The following TPST2 variants were observed in gnomAD, a reference collection of about 807,000 sequenced individuals.
TPST2 encodes tyrosylprotein sulfotransferase 2, also known as protein-tyrosine sulfotransferase 2.
TPST2 carries 16 observed loss-of-function variants against 27.8 expected under a neutral mutation model. The observed-to-expected ratio is 0.58, with a 90% CI of 0.39 to 0.88. The LOEUF (loss-of-function observed/expected upper bound fraction) is 0.88, where lower values mean the gene tolerates loss of function less well. Ranked by LOEUF, TPST2 falls within the 40% of genes least tolerant of loss-of-function variation. The probability of loss-of-function intolerance (pLI) is 0.00; values close to 1 mark genes in which losing one functional copy is unlikely to be tolerated. For missense variants in TPST2, 464 were observed against 543.1 expected (o/e 0.85, Z 1.45); for synonymous variants, 229 against 231.7 (o/e 0.99, Z 0.10).
intron 1 of TPST2, among the ~76,000 whole-genome samples, chr22:26,570,484 T>C (rs1474147183): frequency 2.6e-5 from 4 of 152,114 alleles, no homozygotes; most frequent in African/African-American, 9.7e-5. Flanking sequence ...TTACAGGGTT[T>C]TTCCTTATGC....
At chr22:26,576,293 T>C (rs1927831332) in intron 1 of TPST2, among the ~76,000 whole-genome samples, 1 of 143,196 alleles carries the variant, frequency 7.0e-6, no homozygotes, top group Admixed American at 6.8e-5. Flanking sequence ...AGCTGGACTT[T>C]GAAAGTAACA....
chr22:26,570,179 C>A (rs1393306544), intron 1 of TPST2, among the ~76,000 whole-genome samples: 1 of 152,092 alleles, frequency 6.6e-6, no homozygotes, highest in African/African-American at 2.4e-5. Flanking sequence ...CACTCCACCC[C>A]ACACACTTTT....
intron 1 of TPST2, among the ~76,000 whole-genome samples, chr22:26,545,191 A>G (rs1448125569): frequency 6.6e-6 from 1 of 152,154 alleles, no homozygotes; most frequent in Admixed American, 6.5e-5. Context: ...ACCACCTAAC[A>G]CTGACCAAAT....
In TPST2 at chr22:26,590,076, C is replaced by A. The variant is rs1422287783; in HGVS notation, c.-184G>T. The A allele has an allele frequency of 2.6e-5, 4 of 151,886 alleles. No homozygotes were observed. The highest frequency in any genetic ancestry group is 2.6e-4 in the Admixed American group (4 of 15,236). The allele number at this position is 151,886 out of a possible 1,614,324, so 9.4% of individuals were successfully genotyped here. ...ACCGTGGCGAGACGCGGCGAGGCAG[C>A]CCCACGCACCCAGCGACTCCCGGCT... On this transcript the variant is annotated 5_prime_UTR_variant, in exon 1 of 7. Transcript: ENST00000338754.
At chr22:26,552,689 G>C (rs1033890590) in intron 1 of TPST2, among the ~76,000 whole-genome samples, 7 of 152,138 alleles carry the variant, frequency 4.6e-5, no homozygotes, top group African/African-American at 1.4e-4. Context: ...GTTTCCATAA[G>C]ACTAGTTACG....
intron 1 of TPST2, among the ~76,000 whole-genome samples, chr22:26,580,070 C>A (rs1205770155): frequency 6.6e-6 from 1 of 151,572 alleles, no homozygotes; most frequent in Non-Finnish European, 1.5e-5. Context: ...CATAGTGAGA[C>A]CCCATTTCTA....
chr22:26,570,050 AGAAAGAAAGAAAGAAG>A (rs1182992770), intron 1 of TPST2, among the ~76,000 whole-genome samples: 6 of 85,860 alleles, frequency 7.0e-5, no homozygotes, highest in African/African-American at 1.2e-4. Context: ...AAAGACAGAA[AGAAAGAAAGAAAGAAG>A]GAAAGAAAGA....
At position 26,539,841 on chromosome 22, in the gene TPST2, T is replaced by C. The variant is rs564060874; in HGVS notation, c.842+948A>G. Among the ~76,000 whole-genome samples, 35 of 152,322 alleles carry C rather than the reference T, an allele frequency of 2.3e-4. 1 individual carries two copies. In the South Asian group the frequency reaches 6.9e-3, roughly 30 times the overall value. ...GTTCCAATCCCAGCACCATGCTTTG[T>C]TAGCTGTGTAGCCTGAGGCCAGTAA... On this transcript the variant is annotated intron_variant, in intron 3 of 6. Coordinates refer to ENST00000338754, the MANE Select transcript of TPST2 (RefSeq NM_003595.5).
chr22:26,583,283 A>G (rs1569198619), intron 1 of TPST2, among the ~76,000 whole-genome samples: 1 of 151,382 alleles, frequency 6.6e-6, no homozygotes, highest in Admixed American at 6.6e-5. Context: ...AAAAAAATAC[A>G]AAAATTAGCT....
Position 26,561,819 on chromosome 22 carries a change from T to G in TPST2, c.-160-17144A>C, listed in dbSNP as rs529437483. Among the ~76,000 whole-genome samples, 4 of 152,254 alleles carry G rather than the reference T, an allele frequency of 2.6e-5. No individual in the cohort carries two copies. In the South Asian group the frequency reaches 8.3e-4, roughly 32 times the overall value. On this transcript the variant is annotated intron_variant, in intron 1 of 6. Transcript: ENST00000338754. ...GTACTAGGGAGCCATGGCAGATGTT[T>G]GAGCAGTGGGTGAGCAGCATGACTT... is the stretch of plus-strand genomic sequence containing the variant.
chr22:26,536,235 A>C (rs747484891), intron 4 of TPST2, 53 bp downstream of exon 4: 2 of 1,596,982 alleles, frequency 1.3e-6, no homozygotes, highest in East Asian at 4.5e-5. Context: ...CCACATCTGC[A>C]GAAGCCCCAT....
At chr22:26,584,995 G>A (rs1013808165) in intron 1 of TPST2, among the ~76,000 whole-genome samples, 2 of 152,172 alleles carry the variant, frequency 1.3e-5, no homozygotes, top group South Asian at 4.1e-4. Context: ...GCTTTTGCCT[G>A]GTACCAAGAT....
chr22:26,537,087 G>A (rs1387060717), intron 3 of TPST2, among the ~76,000 whole-genome samples: 2 of 152,088 alleles, frequency 1.3e-5, no homozygotes, highest in African/African-American at 4.8e-5. Context: ...TAATGTGTAT[G>A]ACTAACATGA....
intron 1 of TPST2, among the ~76,000 whole-genome samples, chr22:26,556,761 G>C (rs1486088661): frequency 6.6e-6 from 1 of 152,142 alleles, no homozygotes; most frequent in Non-Finnish European, 1.5e-5. Context: ...TGGCTGTTAG[G>C]GCCAGGGAGC....
At chr22:26,579,834 A>G (rs1928021802) in intron 1 of TPST2, among the ~76,000 whole-genome samples, 1 of 147,544 alleles carries the variant, frequency 6.8e-6, no homozygotes, top group Non-Finnish European at 1.5e-5. Context: ...GTAGATGGGG[A>G]GAGAGAGTCA....
chr22:26,563,806 G>A (rs1927243552), intron 1 of TPST2, among the ~76,000 whole-genome samples: 1 of 152,172 alleles, frequency 6.6e-6, no homozygotes, highest in East Asian at 1.9e-4. Flanking sequence ...GCCTCACTAG[G>A]GTCTTGCAAG....
At chr22:26,566,594 A>G (rs1179970622) in intron 1 of TPST2, among the ~76,000 whole-genome samples, 1 of 151,916 alleles carries the variant, frequency 6.6e-6, no homozygotes, top group Non-Finnish European at 1.5e-5. Flanking sequence ...AGAAAAAAAA[A>G]TACAAAAATC....
intron 1 of TPST2, among the ~76,000 whole-genome samples, chr22:26,569,497 C>T (rs986459657): frequency 1.3e-5 from 2 of 152,160 alleles, no homozygotes; most frequent in Admixed American, 6.5e-5. Context: ...ATAGTCTTAA[C>T]GAATCACACT....
chr22:26,570,792 T>C (rs548081600), intron 1 of TPST2, among the ~76,000 whole-genome samples: 2 of 151,052 alleles, frequency 1.3e-5, no homozygotes, highest in East Asian at 3.9e-4. Flanking sequence ...CCTTTCATGC[T>C]GGTGCCAAAA....
Sources: gnomAD v4.1 joint callset for allele counts (sites outside exome capture counted in the v4.1 genomes callset) on GRCh38, gnomAD v4.1.1 for gene constraint, MANE v1.5 for transcripts, NCBI Gene and HGNC (gene_info 2026-07-23, HGNC 2026-07-21) for gene names.